TIGAR: variants seen among roughly 807,000 people sequenced by gnomAD.
TIGAR encodes TP53 induced glycolysis regulatory phosphatase, also known as fructose-2,6-bisphosphatase TIGAR.
A neutral mutation model predicts 17.9 loss-of-function variants in TIGAR; 7 were observed. The ratio of observed to expected loss-of-function variants is 0.39; its 90% CI spans 0.22 to 0.73. TIGAR has a LOEUF of 0.73. Among genes scored for constraint, TIGAR ranks in the 30% least tolerant of loss-of-function variants. The pLI is 0.42. For missense variants in TIGAR, 258 were observed against 327.4 expected (o/e 0.79, Z 1.64); for synonymous variants, 94 against 108.6 (o/e 0.87, Z 0.84).
rs1864913989 is a variant in TIGAR, at chr12:4,357,205, TA to T, written c.*4515del. On this transcript the variant is annotated 3_prime_UTR_variant, in exon 6 of 6. Transcript: ENST00000179259. ...CTTAAGTACATATGCTTATATTATGTATACTTGCATGCATATTACATTTACA... is the reference window on the plus strand; with the variant it reads ...CTTAAGTACATATGCTTATATTATGTTACTTGCATGCATATTACATTTACA... Among the ~76,000 whole-genome samples, 1 of 152,248 alleles carries T rather than the reference TA, an allele frequency of 6.6e-6. No homozygotes were observed. Among genetic ancestry groups the T allele is most frequent in the Admixed American group, 6.5e-5 (1 of 15,288 alleles).
At chr12:4,347,668 A>G (rs1281911785) in intron 3 of TIGAR, among the ~76,000 whole-genome samples, 2 of 152,196 alleles carry the variant, frequency 1.3e-5, no homozygotes. Context: ...CCCCATAAAT[A>G]TATACATTTA....
rs908284597 is a variant in TIGAR at position 4,359,293 on chromosome 12, A to G, written c.*6602A>G. Reference sequence around the variant, plus strand: ...ATTATTTTATGGTTACACAGTCCCAACTTTGTCCTGTGGGAACCCTTTCAG... The same window carrying G: ...ATTATTTTATGGTTACACAGTCCCAGCTTTGTCCTGTGGGAACCCTTTCAG... On this transcript the variant is annotated 3_prime_UTR_variant, in exon 6 of 6. Coordinates refer to ENST00000179259, the MANE Select transcript of TIGAR (RefSeq NM_020375.3). 1.3e-5 allele frequency among the ~76,000 whole-genome samples: 2 copies of G among 152,168 alleles called. No homozygotes were observed. Among genetic ancestry groups the G allele is most frequent in the African/African-American group, 4.8e-5 (2 of 41,440 alleles).
chr12:4,342,784 G>T (rs1377291708), intron 3 of TIGAR, among the ~76,000 whole-genome samples: 1 of 152,172 alleles, frequency 6.6e-6, no homozygotes, highest in East Asian at 1.9e-4. Flanking sequence ...GCAAAAACAT[G>T]TCAGATTGTA....
intron 4 of TIGAR, 60 bp from the exon 5 acceptor site, chr12:4,351,206 TA>T: frequency 6.6e-7 from 1 of 1,505,216 alleles, no homozygotes; most frequent in Non-Finnish European, 9.2e-7. Flanking sequence ...GCCATAAACA[TA>T]AACTTAATTG....
At chr12:4,347,488 C>T (rs1255107992) in intron 3 of TIGAR, among the ~76,000 whole-genome samples, 1 of 152,050 alleles carries the variant, frequency 6.6e-6, no homozygotes, top group Admixed American at 6.6e-5. Flanking sequence ...TTTGATAGCG[C>T]AACAGGGTGG....
intron 3 of TIGAR, among the ~76,000 whole-genome samples, chr12:4,348,211 A>G (rs578114394): frequency 1.7e-4 from 26 of 152,334 alleles, no homozygotes; most frequent in African/African-American, 6.0e-4. Context: ...GAGAAGTTCT[A>G]ATGTCTTTCA....
intron 3 of TIGAR, among the ~76,000 whole-genome samples, chr12:4,341,406 T>TG (rs1451915564): frequency 6.6e-6 from 1 of 152,154 alleles, no homozygotes; most frequent in East Asian, 1.9e-4. Context: ...TCTCCCAGCA[T>TG]GGAGTTTGAG....
chr12:4,348,518 C>T (rs1444840926), intron 3 of TIGAR, among the ~76,000 whole-genome samples: 2 of 152,072 alleles, frequency 1.3e-5, no homozygotes, highest in Admixed American at 1.3e-4. Flanking sequence ...GAGTTTTATA[C>T]CCAGCAAGAT....
In TIGAR at chr12:4,331,261, CCTT is replaced by C. The variant is rs765119931; in HGVS notation, c.33-16_33-14del. 66 of 1,603,060 alleles carry C rather than the reference CCTT, an allele frequency of 4.1e-5. No homozygotes were observed. The highest frequency in any genetic ancestry group is 5.3e-5 in the Non-Finnish European group (62 of 1,170,206). ...AGTATAATTTGGCTAATAAGGTTGT[CCTT>C]CTCTTTCTATTTTAGTGGAGAAACA... On this transcript the variant is annotated splice_polypyrimidine_tract_variant and intron_variant, in intron 1 of 5. Transcript: ENST00000179259.
chr12:4,338,653 T>C (rs1864685505), intron 3 of TIGAR, among the ~76,000 whole-genome samples: 1 of 152,106 alleles, frequency 6.6e-6, no homozygotes, highest in Admixed American at 6.6e-5. Context: ...AAATTTTAGC[T>C]GTAAGTACCT....
Position 4,356,894 on chromosome 12 carries a change from A to G in TIGAR, c.*4203A>G, listed in dbSNP as rs899815255. Among the ~76,000 whole-genome samples, 1 of 152,202 alleles carries G rather than the reference A, an allele frequency of 6.6e-6. No homozygotes were observed. The highest frequency in any genetic ancestry group is 2.4e-5 in the African/African-American group (1 of 41,442). On this transcript the variant is annotated 3_prime_UTR_variant, in exon 6 of 6. Transcript: ENST00000179259. ...CTCCCTTGCACCTGGAGTCGAAACCATGGCTCCCATTCACCTGTCTCTTAT... is the reference window on the plus strand; with the variant it reads ...CTCCCTTGCACCTGGAGTCGAAACCGTGGCTCCCATTCACCTGTCTCTTAT...
At position 4,358,318 on chromosome 12, in the gene TIGAR, C is replaced by T. The variant is rs908037432; in HGVS notation, c.*5627C>T. On this transcript the variant is annotated 3_prime_UTR_variant, in exon 6 of 6. Transcript: ENST00000179259. ...AAAAAAAAAAGAAAAAGAAAAATCA[C>T]TGAGCTACTGTATCCTCATAGAGAA... Among the ~76,000 whole-genome samples the T allele has an allele frequency of 4.0e-5, 6 of 151,494 alleles. No individual in the cohort carries two copies. The highest frequency in any genetic ancestry group is 1.5e-4 in the African/African-American group (6 of 41,306).
At chr12:4,322,101 A>T (rs1864487455) in intron 1 of TIGAR, among the ~76,000 whole-genome samples, 1 of 151,966 alleles carries the variant, frequency 6.6e-6, no homozygotes, top group African/African-American at 2.4e-5. Context: ...GGTTCAAGCG[A>T]TTCTCCTGCT....
intron 1 of TIGAR, among the ~76,000 whole-genome samples, chr12:4,326,828 GC>G (rs1864551365): frequency 6.6e-6 from 1 of 152,136 alleles, no homozygotes; most frequent in Admixed American, 6.5e-5. Flanking sequence ...AATCATCTCT[GC>G]CAAATTTCTG....
intron 1 of TIGAR, chr12:4,324,636 C>T (rs1279284633): frequency 7.0e-7 from 1 of 1,429,040 alleles, no homozygotes; most frequent in Admixed American, 1.9e-5. Context: ...TGCGCAGGCG[C>T]TTCAGCAGCG....
At chr12:4,333,805 G>T (rs181508009) in intron 2 of TIGAR, among the ~76,000 whole-genome samples, 11 of 152,190 alleles carry the variant, frequency 7.2e-5, no homozygotes, top group Non-Finnish European at 1.0e-4. Flanking sequence ...TCACCATGTT[G>T]GCCAGGCAGG....
chr12:4,338,697 A>G (rs1242107815), intron 3 of TIGAR, among the ~76,000 whole-genome samples: 1 of 152,086 alleles, frequency 6.6e-6, no homozygotes, highest in Admixed American at 6.6e-5. Context: ...CCAAATAAAC[A>G]TCTAACAATG....
chr12:4,330,119 G>A (rs1037064928), intron 1 of TIGAR, among the ~76,000 whole-genome samples: 6 of 152,150 alleles, frequency 3.9e-5, no homozygotes, highest in Non-Finnish European at 7.4e-5. Context: ...ATTCCAGGAT[G>A]AGGCCTGAGT....
chr12:4,332,600 C>T (rs923072803), intron 2 of TIGAR, among the ~76,000 whole-genome samples: 5 of 152,162 alleles, frequency 3.3e-5, no homozygotes, highest in Admixed American at 2.0e-4. Context: ...AGTTTTGACA[C>T]GTGGTAATGT....
Sources: gnomAD v4.1 joint callset for allele counts (sites outside exome capture counted in the v4.1 genomes callset) on GRCh38, gnomAD v4.1.1 for gene constraint, MANE v1.5 for transcripts, NCBI Gene and HGNC (gene_info 2026-07-23, HGNC 2026-07-21) for gene names.